APC: variants seen among roughly 807,000 people sequenced by gnomAD.
APC encodes the protein adenomatous polyposis coli protein.
A neutral mutation model predicts 247.0 loss-of-function variants in APC; 72 were observed. The ratio of observed to expected loss-of-function variants is 0.29; its 90% CI spans 0.24 to 0.35. The LOEUF (loss-of-function observed/expected upper bound fraction) is 0.35. APC is among the 10% of genes least tolerant of loss of function. The pLI is 1.00. For synonymous variants in APC, 1,254 were observed against 1,162.5 expected (o/e 1.08, Z -1.60); for missense variants, 3,400 against 3,360.7 (o/e 1.01, Z -0.29).
At chr5:112,719,874 T>C (rs1353758192) in intron 1 of APC, among the ~76,000 whole-genome samples, 1 of 152,268 alleles carries the variant, frequency 6.6e-6, no homozygotes, top group East Asian at 1.9e-4. Context: ...CAAATCTCTC[T>C]ATGCCATGTA....
Position 112,843,490 on chromosome 5 carries a change from A to G in APC, c.7896A>G (p.Ser2632=), listed in dbSNP as rs779015041. The change falls in exon 16 of 16, where the codon TCA becomes TCG. Residue 2632 remains serine (S), a synonymous_variant. Coordinates refer to ENST00000257430, the MANE Select transcript of APC (RefSeq NM_000038.6). The surrounding 1 kb of genome is among the most constrained non-coding windows in gnomAD (Gnocchi z 4.8). ...ATAGTACTTCTCAGACCGTTTCCTC[A>G]GGTGCTACAAATGGTGCTGAATCAA... is the stretch of plus-strand genomic sequence containing the variant. ...PTNSTSQTVS[S]GATNGAESKT... is the part of the protein sequence containing the mutation. The G allele has an allele frequency of 6.2e-7, 1 of 1,613,992 alleles. No homozygotes were observed. The highest frequency in any genetic ancestry group is 1.3e-5 in the African/African-American group (1 of 75,042).
chr5:112,820,747 T>C (rs1049837258), intron 10 of APC, among the ~76,000 whole-genome samples: 2 of 152,250 alleles, frequency 1.3e-5, no homozygotes, highest in Non-Finnish European at 2.9e-5. Context: ...GTGCATAGTA[T>C]TGAATGTGGA....
intron 1 of APC, among the ~76,000 whole-genome samples, chr5:112,748,240 C>T (rs1363570691): frequency 6.6e-6 from 1 of 151,762 alleles, no homozygotes; most frequent in East Asian, 1.9e-4. Flanking sequence ...ATATGGCAAA[C>T]AGAAAACTGA....
rs1204239908 is a variant in APC at position 112,837,963 on chromosome 5, G to C, written c.2369G>C (p.Arg790Thr). ...AAGGCATCTCATCGTAGTAAGCAGA[G>C]ACACAAGCAAAGTCTCTATGGTGAT... ...SPKASHRSKQ[R>T]HKQSLYGDYV... The change falls in exon 16 of 16, where the codon AGA (arginine) becomes ACA (threonine). Residue 790 changes from arginine (R) to threonine (T), a missense_variant. Around this residue, in one of 9 missense-constraint regions of APC, gnomAD observed 91 missense variants for 103.3 expected, o/e 0.88. Transcript: ENST00000257430. 1 of 1,613,988 alleles carries C rather than the reference G, an allele frequency of 6.2e-7. No individual in the cohort carries two copies. Among genetic ancestry groups the C allele is most frequent in the Non-Finnish European group, 8.5e-7 (1 of 1,180,030 alleles).
chr5:112,830,900 A>G (rs1303172484), intron 14 of APC, among the ~76,000 whole-genome samples: 1 of 152,158 alleles, frequency 6.6e-6, no homozygotes, highest in Non-Finnish European at 1.5e-5. Flanking sequence ...AAAATTATCA[A>G]ATTGTAAACT....
rs1766625941 is a variant in APC at position 112,843,620 on chromosome 5, A to C, written c.8026A>C (p.Thr2676Pro). 1 of 1,613,962 alleles carries C rather than the reference A, an allele frequency of 6.2e-7. No homozygotes were observed. The highest frequency in any genetic ancestry group is 8.5e-7 in the Non-Finnish European group (1 of 1,179,864). ...INNPRSGRSP[T>P]GNTPPVIDSV... ...CAATCCTAGATCTGGAAGATCTCCC[A>C]CAGGTAATACTCCCCCGGTGATTGA... is the stretch of plus-strand genomic sequence containing the variant. The change falls in exon 16 of 16, where the codon ACA becomes CCA. Residue 2676 changes from threonine (T) to proline (P), a missense_variant. By Grantham distance (38) the Thr-to-Pro change is conservative. Coordinates refer to ENST00000257430, the MANE Select transcript of APC (RefSeq NM_000038.6). The surrounding 1 kb of genome is among the most constrained non-coding windows in gnomAD (Gnocchi z 4.8).
At chr5:112,784,221 C>G (rs1184475267) in intron 6 of APC, among the ~76,000 whole-genome samples, 1 of 152,124 alleles carries the variant, frequency 6.6e-6, no homozygotes, top group East Asian at 1.9e-4. Context: ...TTGTGTGCCA[C>G]CACGCCCAGC....
At chr5:112,809,373 G>C (rs930899588) in intron 8 of APC, among the ~76,000 whole-genome samples, 2 of 151,702 alleles carry the variant, frequency 1.3e-5, no homozygotes, top group African/African-American at 4.8e-5. Context: ...AACACACAAA[G>C]TAGAAATGTG....
At position 112,844,080 on chromosome 5, in the gene APC, A is replaced by G. The variant is rs1561623710; in HGVS notation, c.8486A>G (p.Gln2829Arg). ...KTDSTESSGT[Q>R]SPKRHSGSYL... ...GACAGCACAGAATCCAGTGGAACCC[A>G]AAGTCCTAAGCGCCATTCTGGGTCT... The change falls in exon 16 of 16, where the codon CAA becomes CGA. Residue 2829 changes from glutamine to arginine, a missense_variant. Coordinates refer to ENST00000257430, the MANE Select transcript of APC (RefSeq NM_000038.6). The G allele has an allele frequency of 6.2e-7, 1 of 1,609,036 alleles. No individual in the cohort carries two copies. The highest frequency in any genetic ancestry group is 8.5e-7 in the Non-Finnish European group (1 of 1,178,874).
chr5:112,710,505 A>C (rs1444300977), intron 1 of APC, among the ~76,000 whole-genome samples: 1 of 151,950 alleles, frequency 6.6e-6, no homozygotes, highest in Non-Finnish European at 1.5e-5. Context: ...TTCTCTAGAA[A>C]CTGTCCATTT....
chr5:112,743,626 A>G (rs1753291103), intron 1 of APC, among the ~76,000 whole-genome samples: 1 of 152,220 alleles, frequency 6.6e-6, no homozygotes, highest in Non-Finnish European at 1.5e-5. Context: ...TGTATCAGCT[A>G]CTTCTGACAT....
At chr5:112,829,928 A>G (rs1286235187) in intron 14 of APC, 2 of 152,272 alleles carry the variant, frequency 1.3e-5, no homozygotes, top group Middle Eastern at 3.4e-3. Context: ...TTCAGAAACT[A>G]GGCTAAATTT....
intron 2 of APC, among the ~76,000 whole-genome samples, chr5:112,760,508 A>C (rs1755531730): frequency 1.3e-5 from 2 of 152,358 alleles, no homozygotes; most frequent in Non-Finnish European, 2.9e-5. Flanking sequence ...ACAACATTTA[A>C]GGCTAGAGAG....
chr5:112,835,788 C>T (rs1764824742), intron 15 of APC, among the ~76,000 whole-genome samples: 2 of 151,692 alleles, frequency 1.3e-5, no homozygotes, highest in Non-Finnish European at 2.9e-5. Flanking sequence ...TGTCCAGCTG[C>T]TCTTGAACTC....
intron 10 of APC, 69 bp downstream of exon 10, chr5:112,819,413 A>T: frequency 1.9e-6 from 3 of 1,583,808 alleles, no homozygotes; most frequent in South Asian, 2.2e-5. Context: ...AACAGAAAAC[A>T]TGTTTAGTTA....
Position 112,839,665 on chromosome 5 carries a change from A to AT in APC, c.4071_4072insT (p.Ala1358CysfsTer17), listed in dbSNP as rs1765594851. Reference sequence around the variant, plus strand: ...ACAAAGCTGTTGAATTTTCTTCAGGAGCGAAATCTCCCTCCAAAAGTGGTG... The same window carrying AT: ...ACAAAGCTGTTGAATTTTCTTCAGGATGCGAAATCTCCCTCCAAAAGTGGTG... On this transcript the variant is annotated frameshift_variant, in exon 16 of 16. Coordinates refer to ENST00000257430, the MANE Select transcript of APC (RefSeq NM_000038.6). LOFTEE classifies it high-confidence loss of function. This position sits in a 1 kb window ranked among gnomAD's most constrained non-coding sequence, Gnocchi z 5.0. 6.2e-7 allele frequency: 1 copy of AT among 1,613,970 alleles called. No homozygotes were observed. Among genetic ancestry groups the AT allele is most frequent in the Non-Finnish European group, 8.5e-7 (1 of 1,180,008 alleles).
intron 7 of APC, among the ~76,000 whole-genome samples, chr5:112,799,015 A>G (rs1760500864): frequency 6.6e-6 from 1 of 151,824 alleles, no homozygotes; most frequent in Non-Finnish European, 1.5e-5. Flanking sequence ...TTCAAGACCA[A>G]CCTAACCAAC....
chr5:112,735,977 T>C (rs1377128202), upstream of APC, among the ~76,000 whole-genome samples: 2 of 152,212 alleles, frequency 1.3e-5, no homozygotes, highest in African/African-American at 2.4e-5. Context: ...TCAAGAGTAA[T>C]AGGCTTACAA....
Position 112,844,387 on chromosome 5 carries a change from A to G in APC, c.*261A>G. On this transcript the variant is annotated 3_prime_UTR_variant, in exon 16 of 16. Transcript: ENST00000257430. The stretch of plus-strand genomic sequence containing the variant: ...AGTATGTTTTACATGTATTTAAAGT[A>G]GCATCCCATCCCAACTTCCTTTAAT... 2.4e-6 allele frequency: 1 copy of G among 414,790 alleles called. No homozygotes were observed. The highest frequency in any genetic ancestry group is 4.1e-5 in the Admixed American group (1 of 24,374). 25.7% of individuals were successfully genotyped at this position (414,790 alleles called of 1,614,324 possible). A position where few individuals can be genotyped will look rare whatever the true frequency, so the allele number is the denominator to read the frequency against.
Sources: gnomAD v4.1 joint callset for allele counts (sites outside exome capture counted in the v4.1 genomes callset) on GRCh38, gnomAD v4.1.1 for gene constraint, gnomAD v4.1.1 regional missense constraint, Gnocchi (gnomAD v3.1) non-coding constraint, MANE v1.5 for transcripts, NCBI Gene and HGNC (gene_info 2026-07-23, HGNC 2026-07-21) for gene names.